UBA2: variants seen among roughly 807,000 people sequenced by gnomAD.
UBA2 encodes the protein SUMO-activating enzyme subunit 2.
UBA2 carries 11 observed loss-of-function variants against 77.2 expected under a neutral mutation model. The ratio of observed to expected loss-of-function variants is 0.14; its 90% CI spans 0.09 to 0.24. The LOEUF is 0.24. UBA2 is among the 10% of genes least tolerant of loss of function. The pLI is 1.00. For synonymous variants in UBA2, 278 were observed against 276.7 expected (o/e 1.00, Z -0.05); for missense variants, 487 against 781.7 (o/e 0.62, Z 4.50).
rs373954591 is a variant in UBA2, at chr19:34,443,939, A to G, written c.649+28A>G. 3.8e-5 allele frequency: 56 copies of G among 1,458,236 alleles called. 1 individual carries two copies. The highest frequency in any genetic ancestry group is 4.7e-5 in the Non-Finnish European group (49 of 1,040,502). The allele number at this position is 1,458,236 out of a possible 1,614,324, so 90.3% of individuals were successfully genotyped here. On this transcript the variant is annotated intron_variant, in intron 7 of 16. Coordinates refer to ENST00000246548, the MANE Select transcript of UBA2 (RefSeq NM_005499.3). ...GAGTAAATTATTTGGCATATGTTTT[A>G]TCAGATACTATTATCTTTATTTTGT...
intron 8 of UBA2, among the ~76,000 whole-genome samples, chr19:34,450,007 CA>C (rs1464265876): frequency 8.5e-5 from 13 of 152,224 alleles, no homozygotes; most frequent in East Asian, 3.9e-4. Context: ...CTTAGGAAGG[CA>C]GGGGCAGTCG....
At chr19:34,455,320 C>T (rs1353998155) in intron 12 of UBA2, among the ~76,000 whole-genome samples, 4 of 152,148 alleles carry the variant, frequency 2.6e-5, no homozygotes, top group African/African-American at 9.7e-5. Flanking sequence ...TATTTTTCTC[C>T]TCTCTTTTCA....
rs2075534905 is a variant in UBA2 at position 34,454,327 on chromosome 19, A to G, written c.1106A>G (p.Asn369Ser). The G allele has an allele frequency of 6.2e-7, 1 of 1,613,008 alleles. No individual in the cohort carries two copies. Among genetic ancestry groups the G allele is most frequent in the Admixed American group, 1.7e-5 (1 of 59,780 alleles). ...CTCAGGATGCATATTTTCAGTATGAATATGAAGAGTAGATTTGATATCAAA... is the reference window on the plus strand; with the variant it reads ...CTCAGGATGCATATTTTCAGTATGAGTATGAAGAGTAGATTTGATATCAAA... ...ANLRMHIFSM[N>S]MKSRFDIKSM... The change falls in exon 11 of 17, where the codon AAT (asparagine) becomes AGT (serine). Residue 369 changes from asparagine to serine, a missense_variant. This residue lies in a region of UBA2 where 300 missense variants were observed against 454.3 expected (regional missense o/e 0.66). Coordinates refer to ENST00000246548, the MANE Select transcript of UBA2 (RefSeq NM_005499.3).
At chr19:34,452,739 G>T (rs1470143456) in intron 10 of UBA2, among the ~76,000 whole-genome samples, 3 of 152,120 alleles carry the variant, frequency 2.0e-5, no homozygotes, top group Non-Finnish European at 4.4e-5. Flanking sequence ...CATGAAGCTT[G>T]TATGTTCCTG....
At chr19:34,463,821 C>G (rs954521410) in intron 14 of UBA2, among the ~76,000 whole-genome samples, 2 of 119,866 alleles carry the variant, frequency 1.7e-5, no homozygotes, top group Non-Finnish European at 3.4e-5. Context: ...CCCTACTTGC[C>G]CCATTTAAAT....
chr19:34,430,438 T>G, intron 1 of UBA2, 138 bp from the exon 2 acceptor site: 1 of 498,596 alleles, frequency 2.0e-6, no homozygotes, highest in Non-Finnish European at 3.6e-6. Context: ...TTAACAATTT[T>G]GGTATGGCGA....
At chr19:34,437,961 A>G (rs1431350326) in intron 5 of UBA2, among the ~76,000 whole-genome samples, 4 of 152,174 alleles carry the variant, frequency 2.6e-5, no homozygotes, top group African/African-American at 7.2e-5. Context: ...AGCCTGAGGC[A>G]GGAGAATTGC....
intron 2 of UBA2, 25 bp downstream of exon 2, chr19:34,430,684 C>T (rs2075243173): frequency 6.4e-7 from 1 of 1,568,352 alleles, no homozygotes; most frequent in East Asian, 2.2e-5. Context: ...CATACCATTT[C>T]TATAACTTGA....
intron 5 of UBA2, among the ~76,000 whole-genome samples, chr19:34,435,666 C>T (rs1488917953): frequency 6.6e-6 from 1 of 151,776 alleles, no homozygotes; most frequent in Non-Finnish European, 1.5e-5. Flanking sequence ...CACGTCTCTA[C>T]AAAAAATACA....
chr19:34,443,990 A>G (rs888279820), intron 7 of UBA2, 79 bp downstream of exon 7: 12 of 922,544 alleles, frequency 1.3e-5, no homozygotes, highest in African/African-American at 6.6e-5. Flanking sequence ...AGCTTAAGGG[A>G]AAAAAATTGC....
intron 8 of UBA2, among the ~76,000 whole-genome samples, chr19:34,449,065 C>CTTTTTTT (rs11332668): frequency 1.4e-4 from 10 of 73,844 alleles, no homozygotes; most frequent in Admixed American, 3.9e-4. Flanking sequence ...AAATATAAAT[C>CTTTTTTT]TTTTTTTTTT....
At position 34,428,975 on chromosome 19, in the gene UBA2, C is replaced by T. The variant is rs530970443; in HGVS notation, c.138+405C>T. 7.9e-5 allele frequency: 78 copies of T among 985,916 alleles called. 2 individuals are homozygous for T. In the South Asian group the frequency reaches 3.2e-3, roughly 40 times the overall value. The allele number at this position is 985,916 out of a possible 1,614,324, so 61.1% of individuals were successfully genotyped here. ...GGTCCCTGTCGTAACTCCGAAGTAA[C>T]GACGCGGGGCGGAGGATGGCAATGA... On this transcript the variant is annotated intron_variant, in intron 1 of 16. Transcript: ENST00000246548.
chr19:34,428,995 C>T (rs2145482018), intron 1 of UBA2: 1 of 985,688 alleles, frequency 1.0e-6, no homozygotes, highest in Non-Finnish European at 1.2e-6. Context: ...CGGAGGATGG[C>T]AATGATAGCG....
In UBA2 at chr19:34,456,355, C is replaced by G. The variant is rs901270290; in HGVS notation, c.1245+1799C>G. 9.2e-5 allele frequency among the ~76,000 whole-genome samples: 14 copies of G among 151,722 alleles called. No homozygotes were observed. In the East Asian group the frequency reaches 2.4e-3, roughly 26 times the overall value. On this transcript the variant is annotated intron_variant, in intron 12 of 16. Transcript: ENST00000246548. ...TCTCAAACTCCTGGCCTGAAGTGATCCGCCCTTCTCAGCCTCCCAGAGTAC... is the reference window on the plus strand; with the variant it reads ...TCTCAAACTCCTGGCCTGAAGTGATGCGCCCTTCTCAGCCTCCCAGAGTAC...
intron 6 of UBA2, among the ~76,000 whole-genome samples, chr19:34,440,490 T>G (rs1468398283): frequency 1.3e-5 from 2 of 152,158 alleles, no homozygotes; most frequent in African/African-American, 4.8e-5. Context: ...TGAGAAATTT[T>G]TAAAAGGGAA....
chr19:34,430,701 T>G, intron 2 of UBA2, 42 bp downstream of exon 2: 1 of 1,507,420 alleles, frequency 6.6e-7, no homozygotes, highest in Non-Finnish European at 9.2e-7. Flanking sequence ...TTGATGGAGC[T>G]TCTATTTGTG....
chr19:34,462,343 C>T (rs1191618375), intron 14 of UBA2, among the ~76,000 whole-genome samples: 1 of 152,170 alleles, frequency 6.6e-6, no homozygotes, highest in Non-Finnish European at 1.5e-5. Context: ...GTTAGGCGAG[C>T]ACAAGACTTC....
chr19:34,438,872 G>A, intron 6 of UBA2, 106 bp downstream of exon 6: 1 of 1,412,410 alleles, frequency 7.1e-7, no homozygotes, highest in South Asian at 1.3e-5. Flanking sequence ...GTTTAAATAT[G>A]GTGAAGGGAT....
chr19:34,460,810 TATC>T (rs1418056833), intron 14 of UBA2, among the ~76,000 whole-genome samples: 2 of 152,196 alleles, frequency 1.3e-5, no homozygotes, highest in Admixed American at 1.3e-4. Context: ...TCCTTGCCGA[TATC>T]ATGGATCCTG....
Sources: gnomAD v4.1 joint callset for allele counts (sites outside exome capture counted in the v4.1 genomes callset) on GRCh38, gnomAD v4.1.1 for gene constraint, gnomAD v4.1.1 regional missense constraint, MANE v1.5 for transcripts, NCBI Gene and HGNC (gene_info 2026-07-23, HGNC 2026-07-21) for gene names.